The following GALNT13 variants were observed in gnomAD, a reference collection of about 807,000 sequenced individuals.
The protein encoded by GALNT13 is UDP-GalNAc:polypeptide N-acetylgalactosaminyltransferase 13.
Under a neutral mutation model 64.2 loss-of-function variants are expected in GALNT13, and 28 were observed. That is an observed-to-expected ratio of 0.44 (90% CI 0.32 to 0.60). The LOEUF is 0.60. GALNT13 is among the 20% of genes least tolerant of loss of function. The pLI is 0.05. For synonymous variants in GALNT13, 214 were observed against 224.6 expected (o/e 0.95, Z 0.42); for missense variants, 577 against 669.8 (o/e 0.86, Z 1.53).
Position 154,072,075 on chromosome 2 carries a change from C to T in GALNT13, c.143-68262C>T, listed in dbSNP as rs77570001. On this transcript the variant is annotated intron_variant, in intron 3 of 12. Coordinates refer to ENST00000392825, the MANE Select transcript of GALNT13 (RefSeq NM_052917.4). ...TGCTGAGCTGTATATGAAGTTGCTT[C>T]GTAAAGTGCAAAACTAACATCTGTA... Among the ~76,000 whole-genome samples, 1,094 of 152,136 alleles carry T rather than the reference C, an allele frequency of 7.2e-3. 17 individuals are homozygous for T. Among genetic ancestry groups the T allele is most frequent in the African/African-American group, 0.025 (1,048 of 41,528 alleles).
At chr2:153,996,078 G>A (rs1360376442) in intron 3 of GALNT13, among the ~76,000 whole-genome samples, 1 of 152,142 alleles carries the variant, frequency 6.6e-6, no homozygotes, top group Non-Finnish European at 1.5e-5. Context: ...TTCATTGGTT[G>A]ATGGATGCTT....
the GALNT13 span, among the ~76,000 whole-genome samples, chr2:153,320,457 G>C: frequency 6.6e-6 from 1 of 152,166 alleles, no homozygotes; most frequent in Non-Finnish European, 1.5e-5. Flanking sequence ...GAACATGACA[G>C]ATGAGGTCAT....
chr2:154,393,853 C>T (rs62172326), intron 9 of GALNT13, among the ~76,000 whole-genome samples: 11,996 of 151,158 alleles, frequency 0.079, 611 homozygotes, highest in African/African-American at 0.13. Flanking sequence ...CCGAGGCGGG[C>T]GGATCACGAG....
At chr2:153,554,339 CA>C in the GALNT13 span, among the ~76,000 whole-genome samples, 2,795 of 137,398 alleles carry the variant, frequency 0.02, 91 homozygotes, top group African/African-American at 0.068. Flanking sequence ...GTGTCAAAAA[CA>C]AAAAAAAAAA....
chr2:153,738,787 AT>A, the GALNT13 span, among the ~76,000 whole-genome samples: 1 of 152,006 alleles, frequency 6.6e-6, no homozygotes, highest in East Asian at 1.9e-4. Flanking sequence ...GTTATAATAA[AT>A]TTATCTTAGT....
chr2:153,420,760 A>G, the GALNT13 span: 215 of 231,666 alleles, frequency 9.3e-4, 1 homozygote, highest in African/African-American at 4.5e-3. Context: ...CAGGCCTCAG[A>G]AAATGCTTCT....
chr2:153,430,527 G>GGAGAGAGAGA, the GALNT13 span, among the ~76,000 whole-genome samples: 3 of 140,814 alleles, frequency 2.1e-5, no homozygotes, highest in East Asian at 6.9e-4. Flanking sequence ...AGGTAGGTAG[G>GGAGAGAGAGA]GAGAGAGAGA....
chr2:153,084,025 T>G, the GALNT13 span, among the ~76,000 whole-genome samples: 2 of 152,206 alleles, frequency 1.3e-5, no homozygotes, highest in African/African-American at 4.8e-5. Context: ...TTTGTTTGCT[T>G]TGTTGAAGAT....
intron 4 of GALNT13, among the ~76,000 whole-genome samples, chr2:154,215,542 A>C (rs1194654614): frequency 6.6e-6 from 1 of 152,128 alleles, no homozygotes; most frequent in African/African-American, 2.4e-5. Context: ...GCTCTGCCTG[A>C]AATGTCTTTC....
At chr2:153,304,098 A>G in the GALNT13 span, among the ~76,000 whole-genome samples, 1 of 142,102 alleles carries the variant, frequency 7.0e-6, no homozygotes, top group African/African-American at 2.6e-5. Context: ...TTGGTAAGGT[A>G]GACTGGACCA....
chr2:153,789,001 G>A, the GALNT13 span, among the ~76,000 whole-genome samples: 82 of 152,044 alleles, frequency 5.4e-4, no homozygotes, highest in Admixed American at 9.2e-4. Flanking sequence ...AATAATAGTG[G>A]GAGACTTTAA....
At chr2:154,223,448 C>CTTTTTTTT (rs61230257) in intron 4 of GALNT13, among the ~76,000 whole-genome samples, 10 of 124,304 alleles carry the variant, frequency 8.0e-5, no homozygotes, top group South Asian at 2.6e-4. Context: ...TTTTCTTTTT[C>CTTTTTTTT]TTTTTTTTTT....
At chr2:153,115,371 C>T in the GALNT13 span, among the ~76,000 whole-genome samples, 1 of 152,114 alleles carries the variant, frequency 6.6e-6, no homozygotes, top group South Asian at 2.1e-4. Flanking sequence ...CAATGCCATT[C>T]AGAAGAACTG....
chr2:153,139,682 CAGG>C, the GALNT13 span, among the ~76,000 whole-genome samples: 1 of 151,946 alleles, frequency 6.6e-6, no homozygotes, highest in Non-Finnish European at 1.5e-5. Context: ...CAAGGCTTCT[CAGG>C]AGGAGGACAG....
chr2:153,152,087 C>A, the GALNT13 span, among the ~76,000 whole-genome samples: 8 of 151,958 alleles, frequency 5.3e-5, no homozygotes, highest in Non-Finnish European at 1.0e-4. Flanking sequence ...CTGGGGAGAG[C>A]TAGTACTAAA....
chr2:153,708,362 A>G, the GALNT13 span, among the ~76,000 whole-genome samples: 2 of 152,106 alleles, frequency 1.3e-5, no homozygotes, highest in Non-Finnish European at 2.9e-5. Flanking sequence ...GGGTGAGTGA[A>G]AGTTTATGAC....
chr2:153,945,915 T>G (rs779333556), intron 3 of GALNT13, among the ~76,000 whole-genome samples: 3 of 152,134 alleles, frequency 2.0e-5, no homozygotes, highest in Non-Finnish European at 4.4e-5. Context: ...TACAAATAAT[T>G]TAAAAAAATT....
intron 1 of GALNT13, among the ~76,000 whole-genome samples, chr2:153,896,123 C>T (rs575639410): frequency 2.6e-5 from 3 of 115,824 alleles, no homozygotes; most frequent in African/African-American, 1.0e-4. Flanking sequence ...TTGCCACTTT[C>T]GATTTAGAAA....
At chr2:154,025,257 A>C (rs1273502468) in intron 3 of GALNT13, among the ~76,000 whole-genome samples, 6 of 151,792 alleles carry the variant, frequency 4.0e-5, no homozygotes, top group African/African-American at 1.5e-4. Context: ...CTTCTGCGTC[A>C]CTCACGCTGG....
Sources: allele counts gnomAD v4.1 joint callset (sites outside exome capture counted in the v4.1 genomes callset), GRCh38; gene constraint gnomAD v4.1.1; transcripts MANE v1.5; gene names NCBI Gene and HGNC (gene_info 2026-07-23, HGNC 2026-07-21).